ADCY3: variants seen among roughly 807,000 people sequenced by gnomAD.
The protein encoded by ADCY3 is adenylate cyclase type 3.
In ADCY3, 70 loss-of-function variants were observed where a neutral mutation model predicts 119.4. The observed-to-expected ratio is 0.59, with a 90% CI of 0.48 to 0.72. The LOEUF is 0.72. Ranked by LOEUF, ADCY3 falls within the 30% of genes least tolerant of loss-of-function variation. The pLI, the probability that ADCY3 is intolerant of heterozygous loss-of-function variation, is 0.00. For synonymous variants in ADCY3, 672 were observed against 621.4 expected (o/e 1.08, Z -1.21); for missense variants, 1,238 against 1,541.6 (o/e 0.80, Z 3.30).
chr2:24,836,947 C>A lies in ADCY3; in HGVS notation c.1632G>T (p.Thr544=). 7 of 1,613,706 alleles carry A rather than the reference C, an allele frequency of 4.3e-6. No homozygotes were observed. The highest frequency in any genetic ancestry group is 5.1e-6 in the Non-Finnish European group (6 of 1,180,022). The change falls in exon 9 of 22, where the codon ACG becomes ACT. Residue 544 remains threonine (T), a synonymous_variant. Coordinates refer to ENST00000679454, the MANE Select transcript of ADCY3 (RefSeq NM_004036.5). The part of the protein sequence containing the change: ...PNGSAHSSGS[T]SEKPEEQDAQ... ...CATCCTGCTCCTCGGGCTTCTCCGA[C>A]GTGGACCCACTGCTGTGGGCACTCC...
At chr2:24,910,189 C>A (rs1663407413) in intron 2 of ADCY3, among the ~76,000 whole-genome samples, 1 of 152,184 alleles carries the variant, frequency 6.6e-6, no homozygotes, top group Non-Finnish European at 1.5e-5. Flanking sequence ...TCATGAGAAA[C>A]AATAAACTGT....
chr2:24,881,850 C>G (rs1017127159), intron 2 of ADCY3, among the ~76,000 whole-genome samples: 1 of 152,112 alleles, frequency 6.6e-6, no homozygotes, highest in Non-Finnish European at 1.5e-5. Flanking sequence ...ACTAGGAGAG[C>G]GGGTGCTACT....
Position 24,898,383 on chromosome 2 carries a change from C to T in ADCY3, c.675+19930G>A, listed in dbSNP as rs1481431211. On this transcript the variant is annotated intron_variant, in intron 2 of 21. Transcript: ENST00000679454. This position sits in a 1 kb window ranked among gnomAD's most constrained non-coding sequence, Gnocchi z 4.3. ...GACCTACTGTCTGCGGGATGGGAGT[C>T]GGGACACTGACTGTGTGGGAATGCA... 4.6e-5 allele frequency among the ~76,000 whole-genome samples: 7 copies of T among 151,902 alleles called. No homozygotes were observed. The highest frequency in any genetic ancestry group is 7.4e-5 in the Non-Finnish European group (5 of 67,988).
chr2:24,916,365 C>A (rs1362998740), intron 2 of ADCY3, among the ~76,000 whole-genome samples: 1 of 152,136 alleles, frequency 6.6e-6, no homozygotes, highest in East Asian at 1.9e-4. Flanking sequence ...CTAGAGAGAC[C>A]AGTCATCCTC....
At position 24,820,816 on chromosome 2, in the gene ADCY3, T is replaced by C. The variant is rs1667527282; in HGVS notation, c.3160A>G (p.Ile1054Val). ...MNKGGVLAGV[I>V]GARKPHYDIW... ...TCGTAGTGTGGTTTCCGGGCTCCGATGACCCCAGCCAGAACCCCGCCTTTG... is the reference window on the plus strand; with the variant it reads ...TCGTAGTGTGGTTTCCGGGCTCCGACGACCCCAGCCAGAACCCCGCCTTTG... Residue 1054 changes from isoleucine to valine, a missense_variant, in exon 21 of 22, where the codon ATC becomes GTC. By Grantham distance (29) the Ile-to-Val change is conservative (BLOSUM62 3). Around this residue, in one of 7 missense-constraint regions of ADCY3, gnomAD observed 43 missense variants for 77.0 expected, o/e 0.56. Coordinates refer to ENST00000679454, the MANE Select transcript of ADCY3 (RefSeq NM_004036.5). 1 of 1,613,992 alleles carries C rather than the reference T, an allele frequency of 6.2e-7. No individual in the cohort carries two copies. The highest frequency in any genetic ancestry group is 1.3e-5 in the African/African-American group (1 of 74,888).
chr2:24,831,416 C>T (rs888918427), intron 12 of ADCY3, among the ~76,000 whole-genome samples: 1 of 152,200 alleles, frequency 6.6e-6, no homozygotes, highest in Non-Finnish European at 1.5e-5. Flanking sequence ...TGCAGCGCCA[C>T]GGCCCAACAA....
intron 2 of ADCY3, among the ~76,000 whole-genome samples, chr2:24,883,234 G>A (rs1173293891): frequency 6.6e-6 from 1 of 152,106 alleles, no homozygotes; most frequent in Non-Finnish European, 1.5e-5. Flanking sequence ...TGTAGTCCCA[G>A]CTACTTGGGA....
At chr2:24,827,373 T>A (rs1269055013) in intron 15 of ADCY3, among the ~76,000 whole-genome samples, 173 bp downstream of exon 15, 2 of 152,212 alleles carry the variant, frequency 1.3e-5, no homozygotes, top group African/African-American at 4.8e-5. Context: ...CCTTCCCTCC[T>A]CACTGCACTG....
At chr2:24,861,713 C>T (rs147948953) in intron 3 of ADCY3, among the ~76,000 whole-genome samples, 75 of 152,336 alleles carry the variant, frequency 4.9e-4, no homozygotes, top group African/African-American at 1.8e-3. Flanking sequence ...CCACTCCCAA[C>T]GTCAGCCCCA....
At chr2:24,911,928 A>G (rs1663735194) in intron 2 of ADCY3, among the ~76,000 whole-genome samples, 1 of 152,188 alleles carries the variant, frequency 6.6e-6, no homozygotes, top group African/African-American at 2.4e-5. Flanking sequence ...TCTGCCTCTT[A>G]CTAGGCATGT....
At chr2:24,892,644 G>C (rs1677807698) in intron 2 of ADCY3, among the ~76,000 whole-genome samples, 1 of 152,220 alleles carries the variant, frequency 6.6e-6, no homozygotes, top group African/African-American at 2.4e-5. Flanking sequence ...GTTCTTGGGT[G>C]CAGGGTTCTA....
intron 2 of ADCY3, among the ~76,000 whole-genome samples, chr2:24,907,615 G>A (rs1295443540): frequency 6.6e-6 from 1 of 152,200 alleles, no homozygotes; most frequent in African/African-American, 2.4e-5. Context: ...AAATGGCAAG[G>A]AGGGGAAAGG....
chr2:24,840,654 C>T (rs1326279393), intron 6 of ADCY3: 1 of 405,798 alleles, frequency 2.5e-6, no homozygotes. Flanking sequence ...TGCCTGATGT[C>T]ACCCCGGGTC....
intron 2 of ADCY3, among the ~76,000 whole-genome samples, chr2:24,877,691 C>T (rs139790327): frequency 6.7e-4 from 102 of 152,340 alleles, no homozygotes; most frequent in African/African-American, 2.4e-3. Context: ...GAGTGGCACA[C>T]AGGAGACTCC....
intron 20 of ADCY3, chr2:24,821,055 C>CG (rs1358836028): frequency 6.1e-6 from 4 of 651,398 alleles, no homozygotes; most frequent in Admixed American, 6.4e-5. Flanking sequence ...CCACCCCCCC[C>CG]CCATATGCAG....
intron 13 of ADCY3, 107 bp from the exon 14 acceptor site, chr2:24,828,268 TC>T (rs1558410861): frequency 2.9e-6 from 4 of 1,369,626 alleles, no homozygotes; most frequent in East Asian, 2.4e-5. Context: ...CTCCCGCGGC[TC>T]CCCCAGAAAT....
rs560812266 is a variant in ADCY3 at position 24,835,063 on chromosome 2, T to C, written c.1663-127A>G. The stretch of plus-strand genomic sequence containing the variant: ...TACTCGGAGGACCAATCCCTCCAGC[T>C]CTAAAATCCCTTTCCGGGAAGTCTT... On this transcript the variant is annotated intron_variant, in intron 9 of 21. Transcript: ENST00000679454. The C allele has an allele frequency of 4.4e-5, 55 of 1,252,910 alleles. 2 individuals are homozygous for C. The South Asian group carries it at 6.1e-4, about 14-fold the overall frequency. The allele number at this position is 1,252,910 out of a possible 1,614,324, so 77.6% of individuals were successfully genotyped here.
rs201676524 is a variant in ADCY3, at chr2:24,918,382, C to A, written c.606G>T (p.Thr202=). The change falls in exon 2 of 22, where the codon ACG becomes ACT. Residue 202 remains threonine, a synonymous_variant. Coordinates refer to ENST00000679454, the MANE Select transcript of ADCY3 (RefSeq NM_004036.5). The surrounding 1 kb of genome is among the most constrained non-coding windows in gnomAD (Gnocchi z 5.4). ...GGGCCACGGTGACCCCCAGGACCAACGTGTGCACCACACAGGAGACCACGG... is the reference window on the plus strand; with the variant it reads ...GGGCCACGGTGACCCCCAGGACCAAAGTGTGCACCACACAGGAGACCACGG... The part of the protein sequence containing the change: ...IISVVSCVVH[T]LVLGVTVAQQ... 1 of 1,612,690 alleles carries A rather than the reference C, an allele frequency of 6.2e-7. No individual in the cohort carries two copies.
In ADCY3 at chr2:24,823,636, T is replaced by G. The variant is rs565352028; in HGVS notation, c.2737-281A>C. 8.6e-5 allele frequency among the ~76,000 whole-genome samples: 13 copies of G among 151,846 alleles called. No individual in the cohort carries two copies. In the South Asian group the frequency reaches 2.7e-3, roughly 32 times the overall value. The stretch of plus-strand genomic sequence containing the variant: ...CTGGGACCACAGACACATGTCACCA[T>G]GCCCGGCTGTAGATTATTCCAACTC... On this transcript the variant is annotated intron_variant, in intron 17 of 21. Coordinates refer to ENST00000679454, the MANE Select transcript of ADCY3 (RefSeq NM_004036.5).
Sources: gnomAD v4.1 joint callset for allele counts (sites outside exome capture counted in the v4.1 genomes callset) on GRCh38, gnomAD v4.1.1 for gene constraint, gnomAD v4.1.1 regional missense constraint, Gnocchi (gnomAD v3.1) non-coding constraint, MANE v1.5 for transcripts, NCBI Gene and HGNC (gene_info 2026-07-23, HGNC 2026-07-21) for gene names.